Variants in CAST observed in about 807,000 individuals in gnomAD.
CAST encodes MIR583 host.
In CAST, 76 loss-of-function variants were observed where a neutral mutation model predicts 119.6. The observed-to-expected ratio is 0.64, with a 90% confidence interval of 0.53 to 0.77. CAST has a LOEUF of 0.77. CAST is among the 30% of genes least tolerant of loss of function. CAST has a pLI of 0.00. For synonymous variants in CAST, 319 were observed against 331.6 expected (o/e 0.96, Z 0.41); for missense variants, 953 against 946.5 (o/e 1.01, Z -0.09).
intron 1 of CAST, among the ~76,000 whole-genome samples, chr5:96,632,636 A>G (rs568700979): frequency 8.2e-6 from 1 of 122,550 alleles, no homozygotes; most frequent in Non-Finnish European, 1.8e-5. Context: ...GTGCTAATTT[A>G]TTTTTTTGCA....
chr5:96,503,045 C>T, the CAST span, among the ~76,000 whole-genome samples: 1 of 152,144 alleles, frequency 6.6e-6, no homozygotes, highest in Non-Finnish European at 1.5e-5. Flanking sequence ...GGTTGCCTTA[C>T]TAAAAGGCTA....
At chr5:96,662,909 CT>C in intron 1 of CAST, 1 of 581,490 alleles carries the variant, frequency 1.7e-6, no homozygotes, top group Middle Eastern at 4.5e-4. Context: ...GACGCAGAGC[CT>C]CTTCCCTAAC....
At chr5:96,092,941 C>T in the CAST span, among the ~76,000 whole-genome samples, 2 of 152,162 alleles carry the variant, frequency 1.3e-5, no homozygotes, top group Admixed American at 6.5e-5. Context: ...ATCCAGATCT[C>T]CTTAATCATT....
At chr5:96,412,889 G>GGGGGCCC in the CAST span, 1 of 329,994 alleles carries the variant, frequency 3.0e-6, no homozygotes, top group Non-Finnish European at 4.6e-6. Flanking sequence ...CAAAATGTTT[G>GGGGGCCC]CCCTCCCTCC....
intron 1 of CAST, among the ~76,000 whole-genome samples, chr5:96,620,886 T>C (rs370483034): frequency 6.6e-6 from 1 of 152,216 alleles, no homozygotes; most frequent in East Asian, 1.9e-4. Context: ...GTAAAGCTCC[T>C]TCCTCAAAGA....
the CAST span, among the ~76,000 whole-genome samples, chr5:96,109,477 A>T: frequency 6.6e-6 from 1 of 152,152 alleles, no homozygotes; most frequent in Non-Finnish European, 1.5e-5. Flanking sequence ...AGGCTTTGAG[A>T]CTCGAAGATA....
At chr5:96,535,524 T>C (rs532881076) in intron 1 of CAST, among the ~76,000 whole-genome samples, 1 of 151,676 alleles carries the variant, frequency 6.6e-6, no homozygotes, top group African/African-American at 2.4e-5. Flanking sequence ...AGGTAAAATA[T>C]AGGAGACTCA....
chr5:96,741,571 G>A lies in CAST; in HGVS notation c.1089G>A (p.Lys363=), dbSNP rs1304672722. ...CTCCACCCCAAGAGAAGAAAAGAAA[G>A]GTGGAGAAGGTATAGTCACAGTCTA... ...SAAPPQEKKR[K]VEKDTMSDQA... The change falls in exon 15 of 32, where the codon AAG becomes AAA. Residue 363 remains lysine, a synonymous_variant. Coordinates refer to ENST00000675179, the MANE Select transcript of CAST (RefSeq NM_001750.7). 4 of 1,610,774 alleles carry A rather than the reference G, an allele frequency of 2.5e-6. No individual in the cohort carries two copies. Among genetic ancestry groups the A allele is most frequent in the Non-Finnish European group, 3.4e-6 (4 of 1,177,158 alleles).
At chr5:96,489,170 G>A in the CAST span, among the ~76,000 whole-genome samples, 1 of 152,200 alleles carries the variant, frequency 6.6e-6, no homozygotes, top group Non-Finnish European at 1.5e-5. Flanking sequence ...GAGGATTGAA[G>A]AGGATAATTA....
chr5:96,346,334 G>GCA, the CAST span, among the ~76,000 whole-genome samples: 2 of 152,112 alleles, frequency 1.3e-5, no homozygotes, highest in African/African-American at 4.8e-5. Context: ...TACCTGTGAG[G>GCA]CATCTAATTT....
chr5:96,260,764 C>T, the CAST span, among the ~76,000 whole-genome samples: 1 of 151,988 alleles, frequency 6.6e-6, no homozygotes, highest in Admixed American at 6.6e-5. Context: ...ACTTCAAAGT[C>T]TGAGATGATG....
the CAST span, among the ~76,000 whole-genome samples, chr5:95,994,746 T>C: frequency 6.6e-6 from 1 of 152,156 alleles, no homozygotes; most frequent in Non-Finnish European, 1.5e-5. Flanking sequence ...AGATAATTAT[T>C]GCAGTTGAGC....
chr5:96,063,375 A>G, the CAST span, among the ~76,000 whole-genome samples: 2 of 152,142 alleles, frequency 1.3e-5, no homozygotes, highest in Non-Finnish European at 2.9e-5. Flanking sequence ...AGTCAGAAGG[A>G]CCATCCCAGC....
rs184909913 is a variant in CAST at position 96,684,960 on chromosome 5, A to G, written c.138+9359A>G. Among the ~76,000 whole-genome samples, 3 of 133,944 alleles carry G rather than the reference A, an allele frequency of 2.2e-5. No homozygotes were observed. In the East Asian group the frequency reaches 7.4e-4, roughly 33 times the overall value. 87.9% of individuals were successfully genotyped at this position (133,944 alleles called of 152,430 possible). On this transcript the variant is annotated intron_variant, in intron 2 of 31. Transcript: ENST00000675179. ...GAAAATAATGTGCCTTTAAATTAAG[A>G]ATCTGTGATATACAAAATGTTGTAT...
At chr5:96,436,596 C>T in the CAST span, among the ~76,000 whole-genome samples, 3 of 151,970 alleles carry the variant, frequency 2.0e-5, no homozygotes, top group Non-Finnish European at 4.4e-5. Context: ...ATAATATAGC[C>T]GTCTTTATTT....
chr5:96,531,926 G>T (rs796980276), intron 1 of CAST, among the ~76,000 whole-genome samples: 5 of 152,242 alleles, frequency 3.3e-5, no homozygotes, highest in African/African-American at 1.2e-4. Flanking sequence ...TCAGAAAGTA[G>T]GACAAAAAGT....
intron 2 of CAST, among the ~76,000 whole-genome samples, chr5:96,676,717 TA>T (rs200320685): frequency 6.9e-5 from 10 of 145,976 alleles, no homozygotes; most frequent in Non-Finnish European, 9.0e-5. Flanking sequence ...AAATTTCCAT[TA>T]AAAAAAAAAA....
chr5:96,209,446 G>A, the CAST span, among the ~76,000 whole-genome samples: 4 of 151,812 alleles, frequency 2.6e-5, no homozygotes, highest in Admixed American at 6.6e-5. Flanking sequence ...TTTTTTTAGT[G>A]GCCAGTAAGT....
the CAST span, among the ~76,000 whole-genome samples, chr5:96,365,290 T>C: frequency 6.6e-6 from 1 of 152,338 alleles, no homozygotes; most frequent in Non-Finnish European, 1.5e-5. Context: ...CTGAGAAGAA[T>C]GTATAATCTG....
Sources: gnomAD v4.1 joint callset for allele counts (sites outside exome capture counted in the v4.1 genomes callset) on GRCh38, gnomAD v4.1.1 for gene constraint, MANE v1.5 for transcripts, NCBI Gene and HGNC (gene_info 2026-07-23, HGNC 2026-07-21) for gene names.